The following DMD variants were observed in gnomAD, a reference collection of about 807,000 sequenced individuals.
The protein encoded by DMD is dystrophin, also known as mutant dystrophin.
A neutral mutation model predicts 330.1 loss-of-function variants in DMD; 63 were observed. That is an observed-to-expected ratio of 0.19 (90% CI 0.16 to 0.24). The LOEUF (loss-of-function observed/expected upper bound fraction) is 0.24, where lower values mean the gene tolerates loss of function less well. DMD is among the 10% of genes least tolerant of loss of function. The pLI is 1.00. For synonymous variants in DMD, 1,223 were observed against 959.8 expected (o/e 1.27, Z -5.07); for missense variants, 3,344 against 2,684.1 (o/e 1.25, Z -5.43).
intron 7 of DMD, among the ~76,000 whole-genome samples, chrX:32,750,734 C>T (rs997756215): frequency 3.6e-5 from 4 of 111,370 alleles, no homozygotes; most frequent in African/African-American, 1.3e-4. Flanking sequence ...GATTGATCTC[C>T]ACCCTTCACC....
intron 55 of DMD, among the ~76,000 whole-genome samples, chrX:31,596,142 C>T (rs1039578727): frequency 9.0e-6 from 1 of 111,267 alleles, no homozygotes; most frequent in African/African-American, 3.3e-5. Flanking sequence ...TTATTTTGTA[C>T]TTACAGCTAG....
intron 29 of DMD, among the ~76,000 whole-genome samples, chrX:32,431,852 C>T (rs2098239590): frequency 9.0e-6 from 1 of 110,963 alleles, no homozygotes; most frequent in African/African-American, 3.3e-5. Flanking sequence ...TTCATGAGGG[C>T]TTTTCTTGTG....
intron 2 of DMD, among the ~76,000 whole-genome samples, chrX:32,999,806 CA>C (rs375961835): frequency 1.3e-4 from 13 of 97,610 alleles, no homozygotes; most frequent in Admixed American, 3.3e-4. Flanking sequence ...AAACAAAAAA[CA>C]AAAAAAAAAC....
chrX:32,492,593 C>T (rs1232679583), intron 19 of DMD, among the ~76,000 whole-genome samples: 3 of 111,464 alleles, frequency 2.7e-5, no homozygotes, highest in Admixed American at 9.5e-5. Context: ...AACGCCAGTC[C>T]AAGTACATAT....
chrX:32,192,667 T>C (rs777239067), intron 44 of DMD, among the ~76,000 whole-genome samples: 38 of 111,990 alleles, frequency 3.4e-4, no homozygotes, highest in African/African-American at 1.2e-3. Context: ...TCTGGATATA[T>C]GTTAACTGGC....
At chrX:31,132,088 G>A (rs749157459) in intron 77 of DMD, among the ~76,000 whole-genome samples, 4 of 111,776 alleles carry the variant, frequency 3.6e-5, no homozygotes, top group South Asian at 3.8e-4. Context: ...AATTGGTATC[G>A]GACAAGGCTT....
intron 9 of DMD, among the ~76,000 whole-genome samples, chrX:32,681,078 G>A (rs1051018562): frequency 1.8e-5 from 2 of 112,267 alleles, no homozygotes; most frequent in Non-Finnish European, 3.8e-5. Context: ...TCTTAGAGCA[G>A]CAAAGATTCC....
chrX:32,333,162 A>G (rs1427569090), intron 41 of DMD, among the ~76,000 whole-genome samples: 1 of 111,827 alleles, frequency 8.9e-6, no homozygotes, highest in African/African-American at 3.2e-5. Context: ...GTAAATGTTT[A>G]TTTAAGACTT....
intron 7 of DMD, among the ~76,000 whole-genome samples, chrX:32,724,477 G>C (rs1406644747): frequency 1.8e-5 from 2 of 111,698 alleles, no homozygotes; most frequent in Non-Finnish European, 3.8e-5. Context: ...CCCTTACCAA[G>C]AGGAGCTGTT....
At chrX:31,898,460 C>T (rs1030802557) in intron 47 of DMD, among the ~76,000 whole-genome samples, 10 of 110,431 alleles carry the variant, frequency 9.1e-5, no homozygotes, top group African/African-American at 1.3e-4. Flanking sequence ...TCAGAAGTAA[C>T]GCCGCATATC....
At chrX:31,497,773 G>C (rs984386111) in intron 56 of DMD, among the ~76,000 whole-genome samples, 1 of 112,154 alleles carries the variant, frequency 8.9e-6, no homozygotes, top group Admixed American at 9.5e-5. Flanking sequence ...TCATCATCCA[G>C]AAAACAAAGA....
intron 1 of DMD, among the ~76,000 whole-genome samples, chrX:33,232,193 A>G (rs1345918433): frequency 8.9e-6 from 1 of 112,303 alleles, no homozygotes; most frequent in Non-Finnish European, 1.9e-5. Context: ...AAGAAATGTC[A>G]AAAGAAGGAC....
chrX:32,177,364 C>T (rs1385267467), intron 44 of DMD, among the ~76,000 whole-genome samples: 1 of 111,739 alleles, frequency 8.9e-6, no homozygotes, highest in Non-Finnish European at 1.9e-5. Flanking sequence ...AGGTTCTAGC[C>T]CCATCTCCTC....
At chrX:31,722,363 C>T (rs2148975510) in intron 52 of DMD, among the ~76,000 whole-genome samples, 1 of 110,436 alleles carries the variant, frequency 9.1e-6, no homozygotes, top group South Asian at 3.9e-4. Flanking sequence ...TCAGGTGATC[C>T]ATCGCTTCAG....
chrX:32,818,081 A>G lies in DMD; in HGVS notation c.358-1441T>C, dbSNP rs745527910. ...CATATTCTAAAATTATAAATTGCTC[A>G]ACCTTTATGTACAGTGACTGCAGGA... On this transcript the variant is annotated intron_variant, in intron 5 of 78. Coordinates refer to ENST00000357033, the MANE Select transcript of DMD (RefSeq NM_004006.3). Among the ~76,000 whole-genome samples the G allele has an allele frequency of 1.9e-3, 213 of 112,099 alleles. 1 individual carries two copies. The highest frequency in any genetic ancestry group is 3.2e-3 in the Non-Finnish European group (171 of 53,254).
chrX:31,371,771 G>C (rs2059585251), intron 60 of DMD, among the ~76,000 whole-genome samples: 1 of 111,851 alleles, frequency 8.9e-6, no homozygotes, highest in Non-Finnish European at 1.9e-5. Context: ...GAGACAGAAA[G>C]AATATTGATA....
In DMD at chrX:32,566,579, C is replaced by T. The variant is rs150018881; in HGVS notation, c.1813-698G>A. ...TAAGTCGCTGGGCATGACATAAATG[C>T]TTCAGCATCTCTTTTCAGAGTTTAT... is the stretch of plus-strand genomic sequence containing the variant. On this transcript the variant is annotated intron_variant, in intron 15 of 78. Coordinates refer to ENST00000357033, the MANE Select transcript of DMD (RefSeq NM_004006.3). Among the ~76,000 whole-genome samples the T allele has an allele frequency of 4.2e-4, 47 of 112,293 alleles. No homozygotes were observed. The East Asian group carries it at 0.013, about 31-fold the overall frequency.
intron 63 of DMD, among the ~76,000 whole-genome samples, chrX:31,241,584 C>T (rs747443662): frequency 9.0e-6 from 1 of 111,647 alleles, no homozygotes; most frequent in Non-Finnish European, 1.9e-5. Flanking sequence ...TGTGTCACCA[C>T]GCCTTCAAAT....
At chrX:32,157,639 G>T (rs1437563967) in intron 44 of DMD, among the ~76,000 whole-genome samples, 9 of 111,923 alleles carry the variant, frequency 8.0e-5, no homozygotes, top group Admixed American at 5.7e-4. Flanking sequence ...TCTTCTTCCC[G>T]ACTCTCTAAC....
Sources: gnomAD v4.1 joint callset for allele counts (sites outside exome capture counted in the v4.1 genomes callset) on GRCh38, gnomAD v4.1.1 for gene constraint, MANE v1.5 for transcripts, NCBI Gene and HGNC (gene_info 2026-07-23, HGNC 2026-07-21) for gene names.